Variants in FCAR observed in about 807,000 individuals in gnomAD.
The protein encoded by FCAR is Fc alpha receptor, also known as immunoglobulin alpha Fc receptor.
Under a neutral mutation model 27.1 loss-of-function variants are expected in FCAR, and 21 were observed. That is an observed-to-expected ratio of 0.77 (90% CI 0.55 to 1.11). FCAR has a LOEUF of 1.11. Among genes scored for constraint, FCAR ranks in the 50% most tolerant of loss-of-function variants. The probability of loss-of-function intolerance (pLI) is 0.00; values close to 1 mark genes in which losing one functional copy is unlikely to be tolerated. For missense variants in FCAR, 404 were observed against 358.4 expected, an observed-to-expected ratio of 1.13 and a Z score of -1.03; for synonymous variants, 134 against 135.8, an observed-to-expected ratio of 0.99 and a Z score of 0.09.
chr19:54,880,563 G>A (rs587604955), intron 2 of FCAR, among the ~76,000 whole-genome samples: 1 of 152,272 alleles, frequency 6.6e-6, no homozygotes, highest in African/African-American at 2.4e-5. Flanking sequence ...TTTCAGCCAG[G>A]TAAAGAGCCC....
chr19:54,888,169 C>T lies in FCAR; in HGVS notation c.524C>T (p.Pro175Leu), dbSNP rs371729033. 23 of 1,614,188 alleles carry T rather than the reference C, an allele frequency of 1.4e-5. No homozygotes were observed. Among genetic ancestry groups the T allele is most frequent in the Middle Eastern group, 1.6e-4 (1 of 6,062 alleles). ...SLPQHQSGEH[P>L]ANFSLGPVDL... ...CCACAGCACCAAAGTGGGGAACACCCGGCCAACTTCTCTTTGGGTCCTGTG... is the reference window on the plus strand; with the variant it reads ...CCACAGCACCAAAGTGGGGAACACCTGGCCAACTTCTCTTTGGGTCCTGTG... Residue 175 changes from proline to leucine, a missense_variant, in exon 4 of 5, where the codon CCG becomes CTG. Physicochemically the swap from Pro to Leu is moderately conservative, Grantham distance 98 (BLOSUM62 -3). Coordinates refer to ENST00000355524, the MANE Select transcript of FCAR (RefSeq NM_002000.4).
At chr19:54,883,076 G>A (rs587765240) in intron 2 of FCAR, among the ~76,000 whole-genome samples, 23 of 151,992 alleles carry the variant, frequency 1.5e-4, no homozygotes, top group African/African-American at 4.6e-4. Flanking sequence ...GCACAATCTC[G>A]GCTCACTGCA....
At chr19:54,877,404 T>C (rs587663945) in intron 2 of FCAR, among the ~76,000 whole-genome samples, 1 of 152,312 alleles carries the variant, frequency 6.6e-6, no homozygotes, top group South Asian at 2.1e-4. Flanking sequence ...TTCATAATAT[T>C]CTCTGATGAT....
chr19:54,885,008 G>A (rs587724026), intron 2 of FCAR, among the ~76,000 whole-genome samples: 8 of 152,070 alleles, frequency 5.3e-5, no homozygotes, highest in African/African-American at 1.9e-4. Flanking sequence ...GGGTTTCACC[G>A]TGTTAGCCAG....
Position 54,877,272 on chromosome 19 carries a change from T to C in FCAR, c.70+1907T>C, listed in dbSNP as rs115082989. ...TAGGATTTTTATTACTGATTCAATT[T>C]TGGAGCTCATTATTGGTCTGTTCAT... On this transcript the variant is annotated intron_variant, in intron 2 of 4. Coordinates refer to ENST00000355524, the MANE Select transcript of FCAR (RefSeq NM_002000.4). 6.1e-3 allele frequency among the ~76,000 whole-genome samples: 930 copies of C among 152,322 alleles called. 6 individuals carry two copies. The highest frequency in any genetic ancestry group is 0.021 in the African/African-American group (890 of 41,580).
chr19:54,879,757 C>G (rs923970962), intron 2 of FCAR, among the ~76,000 whole-genome samples: 2 of 151,322 alleles, frequency 1.3e-5, no homozygotes, highest in African/African-American at 4.9e-5. Context: ...GATCTCGGCT[C>G]ACTGCAAGCT....
At chr19:54,875,631 G>A (rs1451519803) in intron 2 of FCAR, among the ~76,000 whole-genome samples, 2 of 152,180 alleles carry the variant, frequency 1.3e-5, no homozygotes, top group Non-Finnish European at 2.9e-5. Context: ...TGCTCAAACT[G>A]CAAGAATGAG....
At chr19:54,888,434 C>T (rs2066882469) in intron 4 of FCAR, 140 bp downstream of exon 4, 5 of 1,445,822 alleles carry the variant, frequency 3.5e-6, no homozygotes, top group South Asian at 1.5e-5. Context: ...GAGAGAAAGG[C>T]TTCCCCACCA....
chr19:54,883,082 C>T (rs587633014), intron 2 of FCAR, among the ~76,000 whole-genome samples: 9 of 152,232 alleles, frequency 5.9e-5, no homozygotes, highest in Admixed American at 3.3e-4. Context: ...TCTCGGCTCA[C>T]TGCAGCCTCT....
chr19:54,875,000 C>T (rs553480450), intron 1 of FCAR, among the ~76,000 whole-genome samples: 1 of 152,156 alleles, frequency 6.6e-6, no homozygotes, highest in South Asian at 2.1e-4. Flanking sequence ...GAAACCCTGT[C>T]TCTACTAAAA....
At chr19:54,874,384 G>A in intron 1 of FCAR, 61 bp downstream of exon 1, 2 of 1,535,480 alleles carry the variant, frequency 1.3e-6, no homozygotes, top group African/African-American at 1.4e-5. Context: ...AATAATCAGG[G>A]TGTCTCTTAA....
chr19:54,882,483 T>G (rs1339942018), intron 2 of FCAR, among the ~76,000 whole-genome samples: 1 of 151,756 alleles, frequency 6.6e-6, no homozygotes, highest in Admixed American at 6.6e-5. Flanking sequence ...TCGCCCAGGC[T>G]GGAGTGCAGT....
Position 54,889,886 on chromosome 19 carries a change from A to G in FCAR, c.*23A>G. 2 of 1,555,978 alleles carry G rather than the reference A, an allele frequency of 1.3e-6. No homozygotes were observed. The highest frequency in any genetic ancestry group is 1.8e-6 in the Non-Finnish European group (2 of 1,140,792). ...TAAACACCTGGAGGTGAAGGCAGAG[A>G]GGAGCCAGGACTGTGGAGTCCGACA... On this transcript the variant is annotated 3_prime_UTR_variant, in exon 5 of 5. Transcript: ENST00000355524.
chr19:54,888,962 G>A (rs4560030), intron 4 of FCAR: 84,097 of 943,768 alleles, frequency 0.089, 4,035 homozygotes, highest in Non-Finnish European at 0.097. Flanking sequence ...CAGCTACTCA[G>A]GAGGCTGAGG....
intron 4 of FCAR, chr19:54,888,539 C>T (rs953295286): frequency 1.5e-6 from 2 of 1,339,334 alleles, no homozygotes; most frequent in Non-Finnish European, 1.9e-6. Flanking sequence ...CAGTTTGTTT[C>T]ATTTTATTTA....
intron 2 of FCAR, among the ~76,000 whole-genome samples, chr19:54,877,429 G>T (rs587701002): frequency 3.9e-4 from 59 of 152,258 alleles, no homozygotes; most frequent in African/African-American, 1.4e-3. Flanking sequence ...TTTCTGTGGG[G>T]TGAGTGGTAA....
chr19:54,887,873 C>T lies in FCAR; in HGVS notation c.362-134C>T, dbSNP rs190863991. 3.3e-4 allele frequency: 204 copies of T among 622,332 alleles called. No homozygotes were observed. In the East Asian group the frequency reaches 4.9e-3, roughly 15 times the overall value. The allele number at this position is 622,332 out of a possible 1,614,324, so 38.6% of individuals were successfully genotyped here. On this transcript the variant is annotated intron_variant, in intron 3 of 4. Transcript: ENST00000355524. ...CGGAGGTTGCAGTGAGCTGAGATCA[C>T]GCCACTGCACTCCAGCTTGGGCAAT...
Position 54,875,028 on chromosome 19 carries a change from A to G in FCAR, c.35-302A>G, listed in dbSNP as rs371282640. 5.5e-4 allele frequency among the ~76,000 whole-genome samples: 83 copies of G among 152,182 alleles called. No individual in the cohort carries two copies. In the East Asian group the frequency reaches 0.015, roughly 27 times the overall value. On this transcript the variant is annotated intron_variant, in intron 1 of 4. Coordinates refer to ENST00000355524, the MANE Select transcript of FCAR (RefSeq NM_002000.4). ...TACTAAAAATACAAAAAAATTAGCC[A>G]GGCGTGGTGGCGGGCGCCTGTAGTC...
At chr19:54,884,810 T>TTG (rs1556708362) in intron 2 of FCAR, among the ~76,000 whole-genome samples, 8 of 151,214 alleles carry the variant, frequency 5.3e-5, no homozygotes, top group African/African-American at 1.5e-4. Context: ...TTTTAATTTT[T>TTG]TTGTTGTTGT....
Sources: allele counts gnomAD v4.1 joint callset (sites outside exome capture counted in the v4.1 genomes callset), GRCh38; gene constraint gnomAD v4.1.1; transcripts MANE v1.5; gene names NCBI Gene and HGNC (gene_info 2026-07-23, HGNC 2026-07-21).